The following MATR3 variants were observed in gnomAD, a reference collection of about 807,000 sequenced individuals.
MATR3 encodes matrin 3, also known as matrin-3.
In MATR3, 4 loss-of-function variants were observed where a neutral mutation model predicts 85.5. That is an observed-to-expected ratio of 0.05 (90% CI 0.02 to 0.11). The LOEUF (loss-of-function observed/expected upper bound fraction) is 0.11, where lower values mean the gene tolerates loss of function less well. Ranked by LOEUF, MATR3 falls within the 10% of genes least tolerant of loss-of-function variation. MATR3 has a pLI of 1.00. For synonymous variants in MATR3, 336 were observed against 343.1 expected (o/e 0.98, Z 0.23); for missense variants, 685 against 1,016.1 (o/e 0.67, Z 4.43).
At chr5:139,319,067 T>G (rs1298729484) in intron 8 of MATR3, 34 bp downstream of exon 8, 3 of 1,585,036 alleles carry the variant, frequency 1.9e-6, no homozygotes, top group Non-Finnish European at 2.6e-6. Context: ...GTATATCAGT[T>G]TAACAAATGA....
At chr5:139,278,728 C>G (rs1207648275) in intron 2 of MATR3, 1 of 485,734 alleles carries the variant, frequency 2.1e-6, no homozygotes, top group Non-Finnish European at 4.2e-6. Context: ...CGTCTTCTAC[C>G]TGGAGTGCCT....
rs754998679 is a variant in MATR3, at chr5:139,330,407, G to A, written c.*1012G>A. 1 of 453,504 alleles carries A rather than the reference G, an allele frequency of 2.2e-6. No individual in the cohort carries two copies. Among genetic ancestry groups the A allele is most frequent in the African/African-American group, 2.0e-5 (1 of 49,914 alleles). The allele number at this position is 453,504 out of a possible 1,614,324, so 28.1% of individuals were successfully genotyped here. On this transcript the variant is annotated 3_prime_UTR_variant, in exon 15 of 15. Coordinates refer to ENST00000394805, the MANE Select transcript of MATR3 (RefSeq NM_018834.6). ...CAATAAAAAGAAAACCCTAGGCCATGTTAATTGGTTATACATGTTTGGAAT... is the reference window on the plus strand; with the variant it reads ...CAATAAAAAGAAAACCCTAGGCCATATTAATTGGTTATACATGTTTGGAAT...
At chr5:139,274,987 A>AT (rs1353533717) in intron 1 of MATR3, among the ~76,000 whole-genome samples, 2 of 150,288 alleles carry the variant, frequency 1.3e-5, no homozygotes, top group Admixed American at 6.6e-5. Context: ...GGTTATTTTT[A>AT]TTTTTTTTAA....
chr5:139,321,913 G>C lies in MATR3; in HGVS notation c.1618G>C (p.Glu540Gln). 1 of 1,613,744 alleles carries C rather than the reference G, an allele frequency of 6.2e-7. No individual in the cohort carries two copies. The highest frequency in any genetic ancestry group is 8.5e-7 in the Non-Finnish European group (1 of 1,179,976). ...RMKSQAFIEM[E>Q]TREDAMAMVD... ...TCTTTTTAAGGCTTTTATTGAGATG[G>C]AGACAAGAGAAGATGCAATGGCAAT... is the stretch of plus-strand genomic sequence containing the variant. The change falls in exon 10 of 15, where the codon GAG (glutamate) becomes CAG (glutamine). Residue 540 changes from glutamate (E) to glutamine (Q), a missense_variant. By Grantham distance (29) the Glu-to-Gln change is conservative. Coordinates refer to ENST00000394805, the MANE Select transcript of MATR3 (RefSeq NM_018834.6).
chr5:139,325,880 G>T (rs1457309451), intron 13 of MATR3, among the ~76,000 whole-genome samples: 1 of 152,078 alleles, frequency 6.6e-6, no homozygotes, highest in African/African-American at 2.4e-5. Context: ...TCCACAATGT[G>T]TTCCCTTTTT....
Position 139,307,139 on chromosome 5 carries a change from GTTTT to G in MATR3, c.-177-93_-177-90del, listed in dbSNP as rs796858947. 2.5e-6 allele frequency: 2 copies of G among 791,136 alleles called. No homozygotes were observed. The highest frequency in any genetic ancestry group is 4.5e-5 in the South Asian group (1 of 22,456). The allele number at this position is 791,136 out of a possible 1,614,324, so 49.0% of individuals were successfully genotyped here. A position where few individuals can be genotyped will look rare whatever the true frequency, so the allele number is the denominator to read the frequency against. On this transcript the variant is annotated intron_variant, in intron 1 of 14. Transcript: ENST00000394805. The surrounding 1 kb of genome is among the most constrained non-coding windows in gnomAD (Gnocchi z 4.4). Reference sequence around the variant, plus strand: ...TCCTTGTAAGTTTGAGATCTTAAATGTTTTTTTTTTAAATCAACATGATGCATAA... The same window carrying G: ...TCCTTGTAAGTTTGAGATCTTAAATGTTTTTTAAATCAACATGATGCATAA...
chr5:139,317,849 A>G, intron 7 of MATR3, 128 bp downstream of exon 7: 1 of 907,226 alleles, frequency 1.1e-6, no homozygotes. Context: ...TGCAGAATGT[A>G]GTAGAGGAAA....
intron 9 of MATR3, among the ~76,000 whole-genome samples, chr5:139,319,859 GCT>G (rs1491583441): frequency 3.8e-5 from 1 of 26,286 alleles, no homozygotes; most frequent in Non-Finnish European, 6.5e-5. Context: ...AAAAAAATTT[GCT>G]TTTTTTTTTT....
intron 2 of MATR3, among the ~76,000 whole-genome samples, chr5:139,309,532 C>T (rs558466847): frequency 6.6e-6 from 1 of 152,182 alleles, no homozygotes; most frequent in East Asian, 1.9e-4. Flanking sequence ...CAGTCACTCC[C>T]TTTCCTTGTG....
chr5:139,287,443 ACCCC>A lies in MATR3; in HGVS notation c.-178+8315_-178+8318del, dbSNP rs1165100762. Among the ~76,000 whole-genome samples, 275 of 152,112 alleles carry A rather than the reference ACCCC, an allele frequency of 1.8e-3. 2 individuals carry two copies. Among genetic ancestry groups the A allele is most frequent in the African/African-American group, 6.3e-3 (262 of 41,486 alleles). On this transcript the variant is annotated intron_variant, in intron 3 of 16. Coordinates refer to ENST00000509990, the Ensembl canonical transcript of MATR3. ...AGACCAGCCTGGCCAATGTGGCGAA[ACCCC>A]ATCTCTACTAAAAGTACAAAAATTA...
At chr5:139,274,430 G>C (rs1333446295) in intron 1 of MATR3, 1 of 221,172 alleles carries the variant, frequency 4.5e-6, no homozygotes, top group African/African-American at 2.3e-5. Context: ...ACTTTGGAAG[G>C]TTTGTGAGGA....
At chr5:139,323,646 G>A (rs768657465) in intron 12 of MATR3, among the ~76,000 whole-genome samples, 7 of 152,106 alleles carry the variant, frequency 4.6e-5, no homozygotes, top group East Asian at 1.9e-4. Context: ...AGTGGCTCAC[G>A]CCTGTAATCC....
chr5:139,309,593 A>G (rs1477184864), intron 2 of MATR3, among the ~76,000 whole-genome samples: 1 of 152,146 alleles, frequency 6.6e-6, no homozygotes, highest in East Asian at 1.9e-4. Context: ...ACCAAAGTAA[A>G]TTAACATAAA....
intron 3 of MATR3, among the ~76,000 whole-genome samples, chr5:139,284,605 CAA>C (rs397971665): frequency 2.4e-5 from 3 of 123,902 alleles, no homozygotes; most frequent in African/African-American, 6.0e-5. Flanking sequence ...GAGACAGTCT[CAA>C]AAAAAAAAAA....
intron 8 of MATR3, 113 bp downstream of exon 8, chr5:139,319,146 A>G: frequency 7.5e-7 from 1 of 1,341,122 alleles, no homozygotes; most frequent in Middle Eastern, 2.1e-4. Context: ...TCACGCCTGT[A>G]ATCCCAGCAC....
chr5:139,305,419 G>A (rs952554071), intron 1 of MATR3, among the ~76,000 whole-genome samples: 1 of 152,082 alleles, frequency 6.6e-6, no homozygotes, highest in African/African-American at 2.4e-5. Context: ...TAATTCAAAA[G>A]ACTGACTTTT....
chr5:139,303,954 A>G (rs1481504306), intron 1 of MATR3, among the ~76,000 whole-genome samples: 2 of 152,190 alleles, frequency 1.3e-5, no homozygotes, highest in African/African-American at 2.4e-5. Context: ...GAAATTTTTC[A>G]GAAATATTTT....
At chr5:139,323,077 TAAATC>T (rs1368293798) in intron 12 of MATR3, 110 bp downstream of exon 12, 7 of 1,070,924 alleles carry the variant, frequency 6.5e-6, no homozygotes, top group Non-Finnish European at 9.4e-6. Context: ...AATCAGAAAA[TAAATC>T]AGATATGAAC....
chr5:139,311,490 A>AT (rs1361159575), intron 2 of MATR3: 4 of 152,122 alleles, frequency 2.6e-5, no homozygotes, highest in African/African-American at 9.7e-5. Context: ...TATGTGATTG[A>AT]TTTTTTGATC....
Sources: gnomAD v4.1 joint callset for allele counts (sites outside exome capture counted in the v4.1 genomes callset) on GRCh38, gnomAD v4.1.1 for gene constraint, Gnocchi (gnomAD v3.1) non-coding constraint, MANE v1.5 for transcripts, NCBI Gene and HGNC (gene_info 2026-07-23, HGNC 2026-07-21) for gene names.